ITIH6: variants seen among roughly 807,000 people sequenced by gnomAD.
ITIH6 encodes inter-alpha-trypsin inhibitor heavy chain family member 6, also known as inter-alpha-trypsin inhibitor heavy chain H6.
In ITIH6, 60 loss-of-function variants were observed where a neutral mutation model predicts 58.2. The ratio of observed to expected loss-of-function variants is 1.03; its 90% CI spans 0.84 to 1.28. The LOEUF (loss-of-function observed/expected upper bound fraction) is 1.28. Among genes scored for constraint, ITIH6 ranks in the 50% most tolerant of loss-of-function variants. ITIH6 has a pLI of 0.00. For missense variants in ITIH6, 1,290 were observed against 1,021.1 expected (o/e 1.26, Z -3.59); for synonymous variants, 493 against 417.4 (o/e 1.18, Z -2.21).
intron 6 of ITIH6, among the ~76,000 whole-genome samples, chrX:54,771,002 T>C (rs5961135): frequency 1.8e-5 from 2 of 111,860 alleles, no homozygotes; most frequent in African/African-American, 6.5e-5. Flanking sequence ...GTTTTTTCCT[T>C]TAACACTTGT....
Position 54,788,460 on chromosome X carries a change from T to A in ITIH6, c.786+20A>T, listed in dbSNP as rs754385981. 8 of 1,199,741 alleles carry A rather than the reference T, an allele frequency of 6.7e-6. No homozygotes were observed. In the Admixed American group the frequency reaches 1.1e-4, roughly 16 times the overall value. On this transcript the variant is annotated intron_variant, in intron 5 of 12. Coordinates refer to ENST00000218436, the MANE Select transcript of ITIH6 (RefSeq NM_198510.3). ...TGACTCCAGAGCCCATCCTCTCTCCTCTTCCCCAGGCCCCCTCACCTGCAC... is the reference window on the plus strand; with the variant it reads ...TGACTCCAGAGCCCATCCTCTCTCCACTTCCCCAGGCCCCCTCACCTGCAC...
chrX:54,765,195 T>A (rs1222761535), intron 6 of ITIH6, among the ~76,000 whole-genome samples: 3 of 51,100 alleles, frequency 5.9e-5, no homozygotes, highest in African/African-American at 2.4e-4. Flanking sequence ...GAAAATTTTC[T>A]CCCATGTTGT....
chrX:54,760,291 A>AT (rs1011423623), intron 6 of ITIH6, among the ~76,000 whole-genome samples: 8 of 111,689 alleles, frequency 7.2e-5, no homozygotes, highest in Admixed American at 6.6e-4. Context: ...ATTTTAGATC[A>AT]TTTCCATCAT....
intron 6 of ITIH6, among the ~76,000 whole-genome samples, chrX:54,773,478 G>A (rs769680470): frequency 3.6e-5 from 4 of 111,023 alleles, no homozygotes; most frequent in Non-Finnish European, 7.5e-5. Context: ...GCAAGACACC[G>A]GTACAAAAAG....
Position 54,749,858 on chromosome X carries a change from C to A in ITIH6, c.*37G>T. The A allele has an allele frequency of 8.7e-7, 1 of 1,154,995 alleles. No individual in the cohort carries two copies. Among genetic ancestry groups the A allele is most frequent in the Non-Finnish European group, 1.2e-6 (1 of 854,684 alleles). ...CCCATGCCCTGGTTTCTGGATCTCC[C>A]AAATTCAGGTCTCCTGGCTCTGGAA... On this transcript the variant is annotated 3_prime_UTR_variant, in exon 13 of 13. Transcript: ENST00000218436.
At chrX:54,786,334 C>A (rs776727992) in intron 5 of ITIH6, among the ~76,000 whole-genome samples, 15 of 111,719 alleles carry the variant, frequency 1.3e-4, no homozygotes, top group African/African-American at 4.6e-4. Flanking sequence ...TCTTCTACTG[C>A]GACCTCTCCC....
At chrX:54,750,248 G>T in intron 12 of ITIH6, 142 bp from the exon 13 acceptor site, 1 of 490,650 alleles carries the variant, frequency 2.0e-6, no homozygotes, top group Non-Finnish European at 3.4e-6. Context: ...GAAGAGGCTT[G>T]GCATTGTGGG....
chrX:54,761,983 T>A (rs1474876109), intron 6 of ITIH6, among the ~76,000 whole-genome samples: 2 of 111,900 alleles, frequency 1.8e-5, no homozygotes, highest in African/African-American at 6.5e-5. Flanking sequence ...AGAAAGTCCT[T>A]GGTAGCTTGA....
intron 5 of ITIH6, among the ~76,000 whole-genome samples, chrX:54,775,185 T>C (rs781319704): frequency 1.8e-5 from 2 of 111,755 alleles, no homozygotes; most frequent in African/African-American, 6.5e-5. Context: ...GTCACCCACA[T>C]TACAACTGCC....
intron 6 of ITIH6, among the ~76,000 whole-genome samples, chrX:54,769,525 C>G (rs1297557004): frequency 9.4e-6 from 1 of 106,066 alleles, no homozygotes; most frequent in Non-Finnish European, 1.9e-5. Flanking sequence ...TACTTTTGGT[C>G]TTTGATGATG....
At chrX:54,779,668 T>C (rs1222794844) in intron 5 of ITIH6, among the ~76,000 whole-genome samples, 2 of 110,561 alleles carry the variant, frequency 1.8e-5, no homozygotes, top group East Asian at 5.7e-4. Context: ...AATAACAAAA[T>C]GGCAGGAGTA....
intron 4 of ITIH6, 81 bp downstream of exon 4, chrX:54,790,756 G>C (rs1264392583): frequency 8.6e-5 from 98 of 1,139,547 alleles, no homozygotes; most frequent in Non-Finnish European, 1.1e-4. Context: ...AGTGGCACTA[G>C]AGGGAAACCC....
chrX:54,777,423 C>T lies in ITIH6; in HGVS notation c.787-3226G>A, dbSNP rs145402768. 3.5e-3 allele frequency among the ~76,000 whole-genome samples: 391 copies of T among 112,677 alleles called. 2 individuals carry two copies. Among genetic ancestry groups the T allele is most frequent in the African/African-American group, 0.012 (362 of 31,057 alleles). On this transcript the variant is annotated intron_variant, in intron 5 of 12. Coordinates refer to ENST00000218436, the MANE Select transcript of ITIH6 (RefSeq NM_198510.3). ...GACACAGGCCTGGTTGTTTTTGACA[C>T]TTTCTGATTGTACAGCCCCAGGGTC...
At chrX:54,788,731 G>A (rs1745379986) in intron 4 of ITIH6, 82 bp from the exon 5 acceptor site, 1 of 796,658 alleles carries the variant, frequency 1.3e-6, no homozygotes, top group Non-Finnish European at 1.9e-6. Context: ...AGCACAAAGG[G>A]TGCTATCTGG....
chrX:54,768,713 C>G (rs1396767035), intron 6 of ITIH6, among the ~76,000 whole-genome samples: 1 of 104,134 alleles, frequency 9.6e-6, no homozygotes, highest in Non-Finnish European at 1.9e-5. Context: ...GGCCCCCACT[C>G]TCTTCTGGCT....
intron 11 of ITIH6, among the ~76,000 whole-genome samples, chrX:54,752,493 A>G (rs769558071): frequency 8.9e-6 from 1 of 112,525 alleles, no homozygotes; most frequent in Non-Finnish European, 1.9e-5. Context: ...AGAAGGCTGC[A>G]GTGCAGACCA....
intron 5 of ITIH6, among the ~76,000 whole-genome samples, chrX:54,780,648 GA>G (rs1929130981): frequency 9.1e-6 from 1 of 110,004 alleles, no homozygotes; most frequent in Non-Finnish European, 1.9e-5. Flanking sequence ...TTAGTAGAAG[GA>G]AACAACTAAT....
At chrX:54,760,262 CTAT>C (rs1299798351) in intron 6 of ITIH6, among the ~76,000 whole-genome samples, 2 of 111,826 alleles carry the variant, frequency 1.8e-5, no homozygotes, top group Non-Finnish European at 3.8e-5. Flanking sequence ...CCAGTGGCTA[CTAT>C]ATTAGATAGC....
At chrX:54,789,609 T>C (rs1042278792) in intron 4 of ITIH6, among the ~76,000 whole-genome samples, 1 of 111,909 alleles carries the variant, frequency 8.9e-6, no homozygotes, top group African/African-American at 3.3e-5. Context: ...GGCCTGTGGG[T>C]CCAGGTTCCA....
Sources: allele counts gnomAD v4.1 joint callset (sites outside exome capture counted in the v4.1 genomes callset), GRCh38; gene constraint gnomAD v4.1.1; transcripts MANE v1.5; gene names NCBI Gene and HGNC (gene_info 2026-07-23, HGNC 2026-07-21).